CDKAL1: variants seen among roughly 807,000 people sequenced by gnomAD.
CDKAL1 encodes CDKAL1 threonylcarbamoyladenosine tRNA methylthiotransferase.
CDKAL1 carries 32 observed loss-of-function variants against 68.2 expected under a neutral mutation model. That is an observed-to-expected ratio of 0.47 (90% CI 0.35 to 0.63). The LOEUF (loss-of-function observed/expected upper bound fraction) is 0.63. Among genes scored for constraint, CDKAL1 ranks in the 30% least tolerant of loss-of-function variants. CDKAL1 has a pLI of 0.00. For synonymous variants in CDKAL1, 234 were observed against 244.3 expected (o/e 0.96, Z 0.39); for missense variants, 606 against 696.7 (o/e 0.87, Z 1.47).
chr6:20,598,718 A>T (rs1161118612), intron 4 of CDKAL1, among the ~76,000 whole-genome samples: 1 of 152,206 alleles, frequency 6.6e-6, no homozygotes, highest in Non-Finnish European at 1.5e-5. Flanking sequence ...AGGTAATTAA[A>T]ATAGATTTAC....
At chr6:20,882,565 G>C (rs1322979302) in intron 9 of CDKAL1, among the ~76,000 whole-genome samples, 1 of 152,124 alleles carries the variant, frequency 6.6e-6, no homozygotes, top group Non-Finnish European at 1.5e-5. Context: ...AGCTCTTTTA[G>C]TCTGGCTTCT....
chr6:21,118,547 T>C (rs1171537774), intron 13 of CDKAL1, among the ~76,000 whole-genome samples: 1 of 152,232 alleles, frequency 6.6e-6, no homozygotes, highest in Non-Finnish European at 1.5e-5. Context: ...CAATAATTTA[T>C]TTTCTCTGGG....
chr6:20,733,957 T>C (rs943967311), intron 5 of CDKAL1, among the ~76,000 whole-genome samples: 3 of 152,008 alleles, frequency 2.0e-5, no homozygotes, highest in Admixed American at 2.0e-4. Flanking sequence ...GAGACCAGGC[T>C]GGCCAACATG....
chr6:20,542,711 T>C (rs1479183864), intron 2 of CDKAL1, among the ~76,000 whole-genome samples: 2 of 152,146 alleles, frequency 1.3e-5, no homozygotes. Flanking sequence ...TACAATACAA[T>C]ACAGTATCAC....
chr6:20,727,339 C>A (rs4712537), intron 5 of CDKAL1, among the ~76,000 whole-genome samples: 51,708 of 152,006 alleles, frequency 0.34, 10,747 homozygotes, highest in African/African-American at 0.58. Flanking sequence ...GGAATAAAAA[C>A]ATACATATAA....
At chr6:21,131,103 G>A (rs577394679) in intron 13 of CDKAL1, among the ~76,000 whole-genome samples, 13 of 152,276 alleles carry the variant, frequency 8.5e-5, no homozygotes, top group Non-Finnish European at 1.8e-4. Flanking sequence ...GCAATATTAC[G>A]TATATGTCTG....
At chr6:21,119,281 A>G (rs995398375) in intron 13 of CDKAL1, among the ~76,000 whole-genome samples, 8 of 152,248 alleles carry the variant, frequency 5.3e-5, no homozygotes, top group African/African-American at 1.9e-4. Flanking sequence ...AATAGCATCT[A>G]GCACACAGTA....
intron 4 of CDKAL1, among the ~76,000 whole-genome samples, chr6:20,610,075 C>T (rs1023228576): frequency 6.6e-6 from 1 of 152,130 alleles, no homozygotes; most frequent in African/African-American, 2.4e-5. Flanking sequence ...TAATGGCCTC[C>T]ATCTCCATCC....
At chr6:20,783,418 C>T (rs192966598) in intron 8 of CDKAL1, among the ~76,000 whole-genome samples, 10 of 152,194 alleles carry the variant, frequency 6.6e-5, no homozygotes, top group Non-Finnish European at 1.3e-4. Flanking sequence ...TTTCTAGTCC[C>T]TATGTTCTTC....
At chr6:21,058,071 A>G (rs2150922208) in intron 11 of CDKAL1, among the ~76,000 whole-genome samples, 1 of 152,308 alleles carries the variant, frequency 6.6e-6, no homozygotes, top group Non-Finnish European at 1.5e-5. Flanking sequence ...TATCTTTCTT[A>G]ATTTTCTGTC....
At chr6:21,130,979 A>T (rs1775291563) in intron 13 of CDKAL1, among the ~76,000 whole-genome samples, 1 of 152,244 alleles carries the variant, frequency 6.6e-6, no homozygotes, top group South Asian at 2.1e-4. Flanking sequence ...CTTCTGCACC[A>T]GCTCCCAGGA....
chr6:21,171,576 T>C (rs1450692904), intron 13 of CDKAL1, among the ~76,000 whole-genome samples: 3 of 152,248 alleles, frequency 2.0e-5, no homozygotes, highest in South Asian at 4.1e-4. Flanking sequence ...AAACCTTTTC[T>C]GTAATGGCTA....
chr6:21,128,627 T>C (rs1311347880), intron 13 of CDKAL1, among the ~76,000 whole-genome samples: 1 of 152,170 alleles, frequency 6.6e-6, no homozygotes, highest in Non-Finnish European at 1.5e-5. Context: ...ACAAGATATT[T>C]TAGGATAAAA....
At chr6:21,143,680 T>C (rs1048462150) in intron 13 of CDKAL1, among the ~76,000 whole-genome samples, 2 of 152,218 alleles carry the variant, frequency 1.3e-5, no homozygotes, top group Non-Finnish European at 2.9e-5. Context: ...AATGATCAAC[T>C]ATACCCTCTT....
intron 13 of CDKAL1, among the ~76,000 whole-genome samples, chr6:21,114,434 A>G (rs2150999779): frequency 6.9e-6 from 1 of 145,896 alleles, no homozygotes; most frequent in South Asian, 2.2e-4. Context: ...TTTTTGTCTT[A>G]AAGAAAGACT....
chr6:20,981,153 TG>T (rs141181638), intron 10 of CDKAL1, among the ~76,000 whole-genome samples: 13,314 of 152,292 alleles, frequency 0.087, 709 homozygotes, highest in Middle Eastern at 0.16. Flanking sequence ...CGTTCATTTT[TG>T]AACTTCTTTT....
intron 12 of CDKAL1, among the ~76,000 whole-genome samples, chr6:21,087,422 TG>T (rs1411322597): frequency 6.6e-6 from 1 of 152,154 alleles, no homozygotes; most frequent in African/African-American, 2.4e-5. Flanking sequence ...GCCTCAAACT[TG>T]GGCTCAAATG....
At chr6:20,994,589 A>G (rs1054555302) in intron 10 of CDKAL1, among the ~76,000 whole-genome samples, 19 of 152,230 alleles carry the variant, frequency 1.2e-4, no homozygotes, top group African/African-American at 4.6e-4. Flanking sequence ...CTTCATTGTT[A>G]CAGGCATACC....
intron 9 of CDKAL1, among the ~76,000 whole-genome samples, chr6:20,860,242 T>C (rs1759543381): frequency 6.6e-6 from 1 of 152,006 alleles, no homozygotes; most frequent in South Asian, 2.1e-4. Context: ...CACGCCTGGC[T>C]AATTTTTTGT....
Sources: gnomAD v4.1 joint callset for allele counts (sites outside exome capture counted in the v4.1 genomes callset) on GRCh38, gnomAD v4.1.1 for gene constraint, MANE v1.5 for transcripts, NCBI Gene and HGNC (gene_info 2026-07-23, HGNC 2026-07-21) for gene names.